Variants in VPS53 observed in about 807,000 individuals in gnomAD.
VPS53 encodes VPS53 subunit of GARP complex.
VPS53 carries 70 observed loss-of-function variants against 107.0 expected under a neutral mutation model. The ratio of observed to expected loss-of-function variants is 0.65; its 90% CI spans 0.54 to 0.80. The LOEUF (loss-of-function observed/expected upper bound fraction) is 0.80. Among genes scored for constraint, VPS53 ranks in the 30% least tolerant of loss-of-function variants. The pLI, the probability that VPS53 is intolerant of heterozygous loss-of-function variation, is 0.00. For synonymous variants in VPS53, 409 were observed against 393.3 expected (o/e 1.04, Z -0.47); for missense variants, 917 against 1,049.4 (o/e 0.87, Z 1.74).
At chr17:632,172 A>G (rs1969993769) in intron 7 of VPS53, among the ~76,000 whole-genome samples, 1 of 152,170 alleles carries the variant, frequency 6.6e-6, no homozygotes, top group Non-Finnish European at 1.5e-5. Flanking sequence ...TCTTGAGCCC[A>G]GGACTTTTGA....
At chr17:619,516 G>A (rs1310876999) in intron 11 of VPS53, among the ~76,000 whole-genome samples, 10 of 125,012 alleles carry the variant, frequency 8.0e-5, no homozygotes, top group East Asian at 2.4e-4. Context: ...GACTACAGGC[G>A]TGCACCACCA....
At chr17:595,731 G>A (rs1370918820) in intron 12 of VPS53, among the ~76,000 whole-genome samples, 2 of 126,936 alleles carry the variant, frequency 1.6e-5, no homozygotes, top group African/African-American at 6.0e-5. Flanking sequence ...CAATTTCCTG[G>A]TTTGATGATG....
intron 4 of VPS53, among the ~76,000 whole-genome samples, chr17:664,772 G>A (rs958435924): frequency 6.6e-6 from 1 of 152,188 alleles, no homozygotes; most frequent in Admixed American, 6.5e-5. Context: ...GTGCTGACGG[G>A]AAGACGCCGA....
intron 13 of VPS53, among the ~76,000 whole-genome samples, chr17:575,194 T>G (rs936640821): frequency 6.6e-6 from 1 of 152,248 alleles, no homozygotes; most frequent in Non-Finnish European, 1.5e-5. Flanking sequence ...GATTTTAATA[T>G]GAAGTACTTT....
At chr17:704,986 A>T (rs1424267628) in intron 2 of VPS53, among the ~76,000 whole-genome samples, 1 of 152,240 alleles carries the variant, frequency 6.6e-6, no homozygotes, top group East Asian at 1.9e-4. Flanking sequence ...CAAAAAAGAC[A>T]ATCACACAGT....
chr17:601,094 C>T (rs1968304314), intron 12 of VPS53: 1 of 152,150 alleles, frequency 6.6e-6, no homozygotes, highest in Non-Finnish European at 1.5e-5. Flanking sequence ...CAAAACAATA[C>T]CGTAAAATAA....
Position 623,685 on chromosome 17 carries a change from A to C in VPS53, c.975-11T>G, listed in dbSNP as rs1185951164. Reference sequence around the variant, plus strand: ...TTGGCAAGTTCTGCCCTTCAAAACAAAGAGATAAGAATACTATCAAACAAG... The same window carrying C: ...TTGGCAAGTTCTGCCCTTCAAAACACAGAGATAAGAATACTATCAAACAAG... On this transcript the variant is annotated splice_polypyrimidine_tract_variant and intron_variant, in intron 10 of 21. Coordinates refer to ENST00000437048, the MANE Select transcript of VPS53 (RefSeq NM_001128159.3). The C allele has an allele frequency of 1.2e-6, 2 of 1,607,124 alleles. No individual in the cohort carries two copies. Among genetic ancestry groups the C allele is most frequent in the African/African-American group, 2.7e-5 (2 of 74,842 alleles).
At chr17:585,361 A>G (rs1334869440) in intron 13 of VPS53, among the ~76,000 whole-genome samples, 3 of 152,244 alleles carry the variant, frequency 2.0e-5, no homozygotes, top group Admixed American at 6.5e-5. Flanking sequence ...AAAGACAAAG[A>G]AAACTTGAGG....
At chr17:537,268 G>T in intron 17 of VPS53, 92 bp from the exon 18 acceptor site, 4 of 1,435,652 alleles carry the variant, frequency 2.8e-6, no homozygotes, top group East Asian at 2.4e-5. Flanking sequence ...TGGAAGTCAG[G>T]TCACAGCTTT....
At chr17:574,089 T>A (rs1290240733) in intron 13 of VPS53, among the ~76,000 whole-genome samples, 3 of 152,224 alleles carry the variant, frequency 2.0e-5, no homozygotes, top group Non-Finnish European at 4.4e-5. Context: ...GGCATTATTT[T>A]GTCTGACTAT....
chr17:548,256 G>C (rs1287830067), intron 17 of VPS53, among the ~76,000 whole-genome samples: 1 of 152,206 alleles, frequency 6.6e-6, no homozygotes, highest in Non-Finnish European at 1.5e-5. Context: ...ATGAGAATGA[G>C]GTCTCCCAGG....
intron 12 of VPS53, among the ~76,000 whole-genome samples, chr17:589,079 A>G (rs549487231): frequency 1.3e-5 from 2 of 151,952 alleles, no homozygotes; most frequent in African/African-American, 4.8e-5. Context: ...TATTATAGCT[A>G]TTCTTTTTAT....
intron 2 of VPS53, chr17:705,557 T>C (rs1973368923): frequency 6.6e-6 from 1 of 152,126 alleles, no homozygotes; most frequent in Non-Finnish European, 1.5e-5. Context: ...CTGGCCAACA[T>C]GGTGAAACCC....
rs1907946898 is a variant in VPS53, at chr17:511,581, G to C, written c.*7547C>G. ...AAAGGGGACAGACAGAAACAGAAAG[G>C]AACTTTTGGGCTGATTATAAGGATT... On this transcript the variant is annotated 3_prime_UTR_variant, in exon 22 of 22. Coordinates refer to ENST00000437048, the MANE Select transcript of VPS53 (RefSeq NM_001128159.3). The C allele has an allele frequency of 6.6e-6, 1 of 152,134 alleles. No individual in the cohort carries two copies. 9.4% of individuals were successfully genotyped at this position (152,134 alleles called of 1,614,324 possible).
chr17:704,731 G>A (rs192502513), intron 2 of VPS53, among the ~76,000 whole-genome samples: 1 of 152,224 alleles, frequency 6.6e-6, no homozygotes, highest in East Asian at 1.9e-4. Context: ...AACTGAATCT[G>A]TGGAACAACA....
At chr17:711,817 ATTTTTT>A (rs11375713) in intron 1 of VPS53, among the ~76,000 whole-genome samples, 1 of 142,510 alleles carries the variant, frequency 7.0e-6, no homozygotes, top group Admixed American at 7.1e-5. Flanking sequence ...TTCATGGGCA[ATTTTTT>A]TTTTTTTTTT....
intron 13 of VPS53, among the ~76,000 whole-genome samples, chr17:563,624 T>C (rs1913228441): frequency 6.6e-6 from 1 of 152,160 alleles, no homozygotes. Flanking sequence ...TAAACTTACA[T>C]AGTATGTATT....
At chr17:617,384 G>C (rs1969190573) in intron 11 of VPS53, among the ~76,000 whole-genome samples, 1 of 152,242 alleles carries the variant, frequency 6.6e-6, no homozygotes, top group African/African-American at 2.4e-5. Flanking sequence ...CCTTCAGTGG[G>C]ATCTCTGTTC....
Position 532,864 on chromosome 17 carries a change from A to T in VPS53, c.2063T>A (p.Ile688Asn). 1 of 1,614,112 alleles carries T rather than the reference A, an allele frequency of 6.2e-7. No individual in the cohort carries two copies. Among genetic ancestry groups the T allele is most frequent in the Non-Finnish European group, 8.5e-7 (1 of 1,179,992 alleles). ...CACCTGTTCTGCTCCCACCATGCTA[A>T]TTGGCTTGCACTTGAAGAGGTGGGT... Reference protein sequence around the residue: ...FITHLFKCKPISMVGAEQLLL... With the variant: ...FITHLFKCKPNSMVGAEQLLL... The change falls in exon 19 of 22, where the codon ATT becomes AAT. Residue 688 changes from isoleucine to asparagine, a missense_variant. Physicochemically the swap from Ile to Asn is moderately radical, Grantham distance 149. Coordinates refer to ENST00000437048, the MANE Select transcript of VPS53 (RefSeq NM_001128159.3).
Sources: gnomAD v4.1 joint callset for allele counts (sites outside exome capture counted in the v4.1 genomes callset) on GRCh38, gnomAD v4.1.1 for gene constraint, MANE v1.5 for transcripts, NCBI Gene and HGNC (gene_info 2026-07-23, HGNC 2026-07-21) for gene names.